The following ATAT1 variants were observed in gnomAD, a reference collection of about 807,000 sequenced individuals.
ATAT1 encodes the protein alpha-tubulin N-acetyltransferase 1.
A neutral mutation model predicts 57.2 loss-of-function variants in ATAT1; 42 were observed. The ratio of observed to expected loss-of-function variants is 0.73; its 90% confidence interval spans 0.57 to 0.95. ATAT1 has a LOEUF of 0.95. Among genes scored for constraint, ATAT1 ranks in the 40% least tolerant of loss-of-function variants. The pLI is 0.00. For synonymous variants in ATAT1, 168 were observed against 187.1 expected (o/e 0.90, Z 0.83); for missense variants, 454 against 523.7 (o/e 0.87, Z 1.30).
intron 8 of ATAT1, among the ~76,000 whole-genome samples, chr6:30,641,423 C>T (rs1223352057): frequency 6.6e-6 from 1 of 152,182 alleles, no homozygotes; most frequent in Non-Finnish European, 1.5e-5. Context: ...TGAGGGCCAA[C>T]AAGGATGGTG....
chr6:30,633,689 A>C (rs1763394176), intron 6 of ATAT1: 1 of 211,806 alleles, frequency 4.7e-6, no homozygotes, highest in Non-Finnish European at 1.1e-5. Context: ...CTTCAAGGAG[A>C]AGTTGTGGAG....
At chr6:30,633,447 G>C (rs1397757210) in intron 6 of ATAT1, among the ~76,000 whole-genome samples, 3 of 152,110 alleles carry the variant, frequency 2.0e-5, no homozygotes, top group African/African-American at 7.2e-5. Context: ...AAGAAGTGAG[G>C]ACCCCCAACT....
intron 6 of ATAT1, among the ~76,000 whole-genome samples, chr6:30,631,811 A>T (rs1010735983): frequency 6.6e-6 from 1 of 152,124 alleles, no homozygotes; most frequent in African/African-American, 2.4e-5. Context: ...GTAAGAGCCA[A>T]GAAATATCTG....
chr6:30,632,757 AC>A (rs1268471807), intron 6 of ATAT1, among the ~76,000 whole-genome samples: 3 of 150,902 alleles, frequency 2.0e-5, no homozygotes, highest in Non-Finnish European at 4.4e-5. Flanking sequence ...ACATGGTGAA[AC>A]CCCATCTCTA....
intron 8 of ATAT1, 42 bp from the exon 9 acceptor site, chr6:30,642,134 G>A: frequency 6.2e-7 from 1 of 1,613,490 alleles, no homozygotes; most frequent in South Asian, 1.1e-5. Context: ...TGCAAAGTAT[G>A]TCTCCTAACG....
At chr6:30,644,337 C>G (rs1318847866) in intron 10 of ATAT1, 1 of 985,672 alleles carries the variant, frequency 1.0e-6, no homozygotes, top group Admixed American at 6.2e-5. Context: ...TCCATCCCTC[C>G]CTGGTAGCTA....
Position 30,642,942 on chromosome 6 carries a change from C to G in ATAT1, c.863C>G (p.Pro288Arg), listed in dbSNP as rs752001883. The change falls in exon 10 of 13, where the codon CCA (proline) becomes CGA (arginine). Residue 288 changes from proline to arginine, a missense_variant. Around this residue, in one of 3 missense-constraint regions of ATAT1, gnomAD observed 216 missense variants for 222.2 expected, o/e 0.97. Coordinates refer to ENST00000330083, the MANE Select transcript of ATAT1 (RefSeq NM_001031722.4). ...CTGCGTTCCTTGCGCCTCTGCCCCC[C>G]ACACCCTACCGCCCGCCTTCTGTTG... 10 of 1,613,878 alleles carry G rather than the reference C, an allele frequency of 6.2e-6. No homozygotes were observed. The highest frequency in any genetic ancestry group is 2.7e-5 in the African/African-American group (2 of 74,886).
Position 30,642,845 on chromosome 6 carries a change from C to T in ATAT1, c.766C>T (p.Pro256Ser), listed in dbSNP as rs776904657. ...CGCCACACCTCCAGCCCACCCACCCCCCCGCTCCAGCAGCCTGGGAAACTC... is the reference window on the plus strand; with the variant it reads ...CGCCACACCTCCAGCCCACCCACCCTCCCGCTCCAGCAGCCTGGGAAACTC... Residue 256 changes from proline (P) to serine (S), a missense_variant, in exon 10 of 13, where the codon CCC becomes TCC. Transcript: ENST00000330083. 1 of 1,564,696 alleles carries T rather than the reference C, an allele frequency of 6.4e-7. No individual in the cohort carries two copies. The highest frequency in any genetic ancestry group is 2.3e-5 in the East Asian group (1 of 43,446).
In ATAT1 at chr6:30,642,833, G is replaced by GGGGGCGC; in HGVS notation, c.754_755insGGGGCGC (p.Ala252GlyfsTer50). The GGGGGCGC allele has an allele frequency of 1.3e-6, 2 of 1,537,866 alleles. No individual in the cohort carries two copies. Among genetic ancestry groups the GGGGGCGC allele is most frequent in the Non-Finnish European group, 8.7e-7 (1 of 1,145,774 alleles). Reference sequence around the variant, plus strand: ...GGCCCCTCGCCGCGCCACACCTCCAGCCCACCCACCCCCCCGCTCCAGCAG... The same window carrying GGGGGCGC: ...GGCCCCTCGCCGCGCCACACCTCCAGGGGGCGCCCCACCCACCCCCCCGCTCCAGCAG... On this transcript the variant is annotated frameshift_variant, in exon 10 of 13. Transcript: ENST00000330083. LOFTEE classifies it high-confidence loss of function.
chr6:30,639,896 G>C (rs1001411101), intron 6 of ATAT1, among the ~76,000 whole-genome samples: 1 of 152,068 alleles, frequency 6.6e-6, no homozygotes, highest in African/African-American at 2.4e-5. Flanking sequence ...GACTTTTGGA[G>C]GCTGAGGCAG....
At chr6:30,643,604 G>A in intron 10 of ATAT1, 1 of 1,550,508 alleles carries the variant, frequency 6.4e-7, no homozygotes, top group Non-Finnish European at 8.7e-7. Context: ...GGGTGGGCAG[G>A]GAACCCCTCC....
At chr6:30,640,656 C>G in intron 8 of ATAT1, 53 bp downstream of exon 8, 1 of 1,589,144 alleles carries the variant, frequency 6.3e-7, no homozygotes. Context: ...GCTACTTACT[C>G]TAGATGCCAC....
In ATAT1 at chr6:30,626,998, A is replaced by T. The variant is rs778005366; in HGVS notation, c.-206A>T. 1.5e-5 allele frequency: 24 copies of T among 1,585,900 alleles called. No homozygotes were observed. In the African/African-American group the frequency reaches 2.8e-4, roughly 19 times the overall value. On this transcript the variant is annotated 5_prime_UTR_variant, in exon 1 of 13. Transcript: ENST00000330083. ...GGAACCACAACGCCGGCCCGGTGAC[A>T]GCTCAAACCCACCCTCTGGCCCTTT...
chr6:30,627,061 G>GC lies in ATAT1; in HGVS notation c.-138dup. ...TCTCCAAACCTGGTCCAGGCACCACGCCCCCTTCTCACTGACTAGTGATCG... is the reference window on the plus strand; with the variant it reads ...TCTCCAAACCTGGTCCAGGCACCACGCCCCCCTTCTCACTGACTAGTGATCG... On this transcript the variant is annotated 5_prime_UTR_variant, in exon 1 of 13. Coordinates refer to ENST00000330083, the MANE Select transcript of ATAT1 (RefSeq NM_001031722.4). 6.5e-7 allele frequency: 1 copy of GC among 1,548,300 alleles called. No individual in the cohort carries two copies. The highest frequency in any genetic ancestry group is 8.8e-7 in the Non-Finnish European group (1 of 1,142,794).
intron 12 of ATAT1, 95 bp from the exon 13 acceptor site, chr6:30,646,374 T>C: frequency 2.1e-6 from 3 of 1,450,772 alleles, no homozygotes; most frequent in Non-Finnish European, 2.7e-6. Flanking sequence ...TCATGTGTCC[T>C]ACATTAAAAC....
intron 8 of ATAT1, chr6:30,641,856 C>T: frequency 1.7e-6 from 2 of 1,165,754 alleles, no homozygotes; most frequent in Non-Finnish European, 2.1e-6. Flanking sequence ...GGGGCCATGA[C>T]AGCACCCACT....
chr6:30,640,816 G>C (rs1357022050), intron 8 of ATAT1: 5 of 602,802 alleles, frequency 8.3e-6, no homozygotes, highest in Non-Finnish European at 1.5e-5. Flanking sequence ...TTGGGAGCCT[G>C]TTTGACAGCT....
At position 30,642,757 on chromosome 6, in the gene ATAT1, C is replaced by T; in HGVS notation, c.689-11C>T. 1 of 1,569,016 alleles carries T rather than the reference C, an allele frequency of 6.4e-7. No individual in the cohort carries two copies. Among genetic ancestry groups the T allele is most frequent in the Non-Finnish European group, 8.8e-7 (1 of 1,141,748 alleles). On this transcript the variant is annotated splice_polypyrimidine_tract_variant and intron_variant, in intron 9 of 12. Coordinates refer to ENST00000330083, the MANE Select transcript of ATAT1 (RefSeq NM_001031722.4). ...TTTTTCTGTCTTGCTCTTCATTCTC[C>T]CTGTCCCCAGTTCTGAAGGTAGCTG...
At chr6:30,631,657 T>G (rs1368329588) in intron 6 of ATAT1, among the ~76,000 whole-genome samples, 2 of 151,680 alleles carry the variant, frequency 1.3e-5, no homozygotes, top group Non-Finnish European at 2.9e-5. Context: ...CACGCACCTG[T>G]GGTCCCAGCT....
Sources: gnomAD v4.1 joint callset for allele counts (sites outside exome capture counted in the v4.1 genomes callset) on GRCh38, gnomAD v4.1.1 for gene constraint, gnomAD v4.1.1 regional missense constraint, MANE v1.5 for transcripts, NCBI Gene and HGNC (gene_info 2026-07-23, HGNC 2026-07-21) for gene names.